DENND1A: variants seen among roughly 807,000 people sequenced by gnomAD.
DENND1A encodes DENN domain-containing protein 1A.
Under a neutral mutation model 113.7 loss-of-function variants are expected in DENND1A, and 51 were observed. That is an observed-to-expected ratio of 0.45 (90% CI 0.36 to 0.57). The LOEUF is 0.57. DENND1A is among the 20% of genes least tolerant of loss of function. The pLI is 0.00. For synonymous variants in DENND1A, 565 were observed against 570.8 expected (o/e 0.99, Z 0.14); for missense variants, 1,258 against 1,395.9 (o/e 0.90, Z 1.57).
At chr9:123,761,027 C>T (rs1040755852) in intron 4 of DENND1A, among the ~76,000 whole-genome samples, 4 of 151,980 alleles carry the variant, frequency 2.6e-5, no homozygotes, top group East Asian at 1.9e-4. Flanking sequence ...CGATAGGACT[C>T]GATGAAAAGA....
chr9:123,719,638 T>C (rs2067208376), intron 5 of DENND1A, among the ~76,000 whole-genome samples: 1 of 152,242 alleles, frequency 6.6e-6, no homozygotes, highest in South Asian at 2.1e-4. Context: ...TTTCAGATTT[T>C]TTTTTTTTAA....
At chr9:123,677,378 C>G (rs1022544477) in intron 5 of DENND1A, among the ~76,000 whole-genome samples, 1 of 152,188 alleles carries the variant, frequency 6.6e-6, no homozygotes, top group African/African-American at 2.4e-5. Context: ...TCACTCAGAG[C>G]AGACTGGCTG....
intron 13 of DENND1A, among the ~76,000 whole-genome samples, chr9:123,545,529 C>T (rs988966511): frequency 1.6e-4 from 25 of 151,792 alleles, no homozygotes; most frequent in Non-Finnish European, 3.2e-4. Context: ...TGCAGTGGCA[C>T]GATCTCAGCT....
chr9:123,735,984 G>A (rs1433468125), intron 5 of DENND1A, among the ~76,000 whole-genome samples: 1 of 152,150 alleles, frequency 6.6e-6, no homozygotes, highest in African/African-American at 2.4e-5. Context: ...CATCCTGGGT[G>A]ACAGAGTAAG....
intron 1 of DENND1A, among the ~76,000 whole-genome samples, chr9:123,923,971 A>C (rs755491453): frequency 9.9e-5 from 15 of 152,234 alleles, no homozygotes; most frequent in Non-Finnish European, 1.9e-4. Context: ...TCCACACAAA[A>C]TGTTCATAGC....
chr9:123,437,464 G>A (rs752343494), intron 19 of DENND1A, among the ~76,000 whole-genome samples: 13 of 152,332 alleles, frequency 8.5e-5, no homozygotes, highest in Middle Eastern at 3.4e-3. Context: ...GAAGGCAACC[G>A]TCTCAACGGT....
intron 19 of DENND1A, among the ~76,000 whole-genome samples, chr9:123,415,975 AG>A (rs1359646497): frequency 6.6e-6 from 1 of 152,130 alleles, no homozygotes; most frequent in South Asian, 2.1e-4. Flanking sequence ...GGGTGGGAAG[AG>A]GGGGTAAGGG....
intron 3 of DENND1A, among the ~76,000 whole-genome samples, chr9:123,780,693 A>T (rs1392037912): frequency 6.6e-6 from 1 of 152,180 alleles, no homozygotes; most frequent in African/African-American, 2.4e-5. Flanking sequence ...TAATAACATG[A>T]ATTATATATA....
chr9:123,603,459 C>T (rs1361691960), intron 11 of DENND1A, among the ~76,000 whole-genome samples: 1 of 152,178 alleles, frequency 6.6e-6, no homozygotes, highest in Non-Finnish European at 1.5e-5. Flanking sequence ...TGAATGGCGG[C>T]TCAGTGCTGT....
chr9:123,776,570 C>T (rs1830508221), intron 3 of DENND1A, among the ~76,000 whole-genome samples: 2 of 152,146 alleles, frequency 1.3e-5, no homozygotes. Flanking sequence ...TTCTATAATT[C>T]AGCCTTCAGA....
intron 19 of DENND1A, among the ~76,000 whole-genome samples, chr9:123,418,072 G>C (rs1564450349): frequency 1.3e-5 from 2 of 152,088 alleles, no homozygotes; most frequent in Non-Finnish European, 2.9e-5. Context: ...TCAGTGGGAG[G>C]GATATAATCA....
At chr9:123,473,404 C>T (rs1429611164) in intron 13 of DENND1A, among the ~76,000 whole-genome samples, 1 of 152,012 alleles carries the variant, frequency 6.6e-6, no homozygotes, top group East Asian at 1.9e-4. Flanking sequence ...CAAGCGCAGC[C>T]GTTTACACCG....
At chr9:123,686,827 G>A (rs2064840400) in intron 5 of DENND1A, among the ~76,000 whole-genome samples, 2 of 152,066 alleles carry the variant, frequency 1.3e-5, no homozygotes, top group Non-Finnish European at 2.9e-5. Context: ...AGCTTTAAAT[G>A]TATGCTTATG....
chr9:123,828,967 G>A (rs2132729995), intron 2 of DENND1A, among the ~76,000 whole-genome samples: 1 of 152,242 alleles, frequency 6.6e-6, no homozygotes, highest in East Asian at 1.9e-4. Context: ...CCACAGAACT[G>A]AAATAAAGAA....
chr9:123,719,510 G>A (rs1018404490), intron 5 of DENND1A, among the ~76,000 whole-genome samples: 1 of 152,152 alleles, frequency 6.6e-6, no homozygotes, highest in South Asian at 2.1e-4. Flanking sequence ...TCCTTGCAAC[G>A]ACTGAGACTC....
intron 22 of DENND1A, among the ~76,000 whole-genome samples, chr9:123,386,670 C>T (rs902342901): frequency 2.7e-4 from 41 of 152,224 alleles, no homozygotes; most frequent in Non-Finnish European, 1.6e-4. Context: ...AGGTGTGAGC[C>T]ACTGCGCTTG....
intron 5 of DENND1A, among the ~76,000 whole-genome samples, chr9:123,690,311 T>G (rs1275966092): frequency 1.3e-5 from 2 of 152,234 alleles, no homozygotes; most frequent in Non-Finnish European, 2.9e-5. Flanking sequence ...TTCTTTTCTG[T>G]GTCTTCTACA....
In DENND1A at chr9:123,478,052, C is replaced by T. The variant is rs148243711; in HGVS notation, c.994-20155G>A. ...AGGCAAGGCCAAGGCATTTGCTGGT[C>T]AGGGTCCCAGATTCTGAGTTTCTAG... On this transcript the variant is annotated intron_variant, in intron 13 of 23. Transcript: ENST00000394215. Among the ~76,000 whole-genome samples, 670 of 152,306 alleles carry T rather than the reference C, an allele frequency of 4.4e-3. 5 individuals are homozygous for T. Among genetic ancestry groups the T allele is most frequent in the African/African-American group, 0.015 (633 of 41,552 alleles).
chr9:123,471,810 C>T (rs6478618), intron 13 of DENND1A, among the ~76,000 whole-genome samples: 1 of 152,224 alleles, frequency 6.6e-6, no homozygotes, highest in African/African-American at 2.4e-5. Flanking sequence ...TGAGCACGCT[C>T]AGTTACCCAA....
Sources: gnomAD v4.1 joint callset for allele counts (sites outside exome capture counted in the v4.1 genomes callset) on GRCh38, gnomAD v4.1.1 for gene constraint, MANE v1.5 for transcripts, NCBI Gene and HGNC (gene_info 2026-07-23, HGNC 2026-07-21) for gene names.